The following CFAP96 variants were observed in gnomAD, a reference collection of about 807,000 sequenced individuals.
CFAP96 encodes the protein cilia and flagella associated protein 96.
chr4:185,424,856 TATGAAG>T, the CFAP96 span, among the ~76,000 whole-genome samples: 1 of 152,236 alleles, frequency 6.6e-6, no homozygotes, highest in African/African-American at 2.4e-5. Context: ...CCAGGGTTGT[TATGAAG>T]ATTCCACAAG....
At chr4:185,428,897 T>G in the CFAP96 span, among the ~76,000 whole-genome samples, 3 of 152,192 alleles carry the variant, frequency 2.0e-5, no homozygotes, top group African/African-American at 7.2e-5. Context: ...TGAAAAGCTG[T>G]TATATTTTCA....
At chr4:185,444,202 CT>C in the CFAP96 span, among the ~76,000 whole-genome samples, 2 of 151,758 alleles carry the variant, frequency 1.3e-5, no homozygotes, top group Non-Finnish European at 2.9e-5. Flanking sequence ...ATCCACCCGC[CT>C]CGGCCTCCCA....
At chr4:185,437,065 A>G in the CFAP96 span, among the ~76,000 whole-genome samples, 1 of 152,200 alleles carries the variant, frequency 6.6e-6, no homozygotes, top group Non-Finnish European at 1.5e-5. Flanking sequence ...AGGAATTGTA[A>G]TACTTTTGGG....
At chr4:185,445,176 T>G in the CFAP96 span, 11 of 1,460,990 alleles carry the variant, frequency 7.5e-6, no homozygotes, top group South Asian at 1.4e-4. Flanking sequence ...AAAAATTGTT[T>G]CCAACTTTTA....
the CFAP96 span, chr4:185,415,292 A>G: frequency 6.2e-7 from 1 of 1,601,906 alleles, no homozygotes; most frequent in Non-Finnish European, 8.5e-7. Context: ...TTCAAAATAC[A>G]TTTTTCCATG....
At chr4:185,442,128 A>G in the CFAP96 span, among the ~76,000 whole-genome samples, 1 of 152,078 alleles carries the variant, frequency 6.6e-6, no homozygotes, top group Non-Finnish European at 1.5e-5. Context: ...GTTCTATTAT[A>G]TTTAATAGTA....
the CFAP96 span, chr4:185,429,322 A>G: frequency 1.4e-5 from 9 of 628,468 alleles, no homozygotes; most frequent in South Asian, 3.0e-5. Flanking sequence ...TTTTATTTTC[A>G]ATGTAAAGTA....
At chr4:185,449,496 C>T in the CFAP96 span, 1 of 721,044 alleles carries the variant, frequency 1.4e-6, no homozygotes, top group South Asian at 2.0e-5. Flanking sequence ...GCACTCCAGC[C>T]TGGGCAACAG....
At chr4:185,424,583 C>T in the CFAP96 span, among the ~76,000 whole-genome samples, 4 of 152,144 alleles carry the variant, frequency 2.6e-5, 1 homozygote, top group Admixed American at 2.6e-4. Flanking sequence ...TCATGTTGTC[C>T]ATTTATTCTA....
chr4:185,416,006 G>T, the CFAP96 span: 1 of 623,528 alleles, frequency 1.6e-6, no homozygotes, highest in African/African-American at 1.9e-5. Flanking sequence ...TGAAAAGGGG[G>T]AAAGAGTAGA....
chr4:185,420,659 C>T, the CFAP96 span, among the ~76,000 whole-genome samples: 1 of 152,094 alleles, frequency 6.6e-6, no homozygotes, highest in South Asian at 2.1e-4. Flanking sequence ...AAAAGACAAA[C>T]ATAATTCTTA....
chr4:185,449,794 T>C, the CFAP96 span: 1 of 511,388 alleles, frequency 2.0e-6, no homozygotes, highest in Non-Finnish European at 3.5e-6. Context: ...CTTATTTTAA[T>C]ACTACTAGTT....
the CFAP96 span, chr4:185,415,786 C>A: frequency 6.2e-7 from 1 of 1,613,672 alleles, no homozygotes; most frequent in Non-Finnish European, 8.5e-7. Context: ...TGGTGTCCTC[C>A]GCTTTCCCTT....
At chr4:185,410,020 G>C in the CFAP96 span, among the ~76,000 whole-genome samples, 1 of 152,062 alleles carries the variant, frequency 6.6e-6, no homozygotes, top group African/African-American at 2.4e-5. Flanking sequence ...ATACATTTTT[G>C]TAGTTTTAAG....
chr4:185,415,013 T>C, the CFAP96 span: 1 of 662,512 alleles, frequency 1.5e-6, no homozygotes, highest in Non-Finnish European at 2.4e-6. Context: ...AGAAATTAAA[T>C]AATGTGTAAA....
At chr4:185,442,380 A>T in the CFAP96 span, among the ~76,000 whole-genome samples, 2 of 152,048 alleles carry the variant, frequency 1.3e-5, no homozygotes, top group Non-Finnish European at 2.9e-5. Flanking sequence ...TGCATAGGTT[A>T]TATTATATCT....
the CFAP96 span, among the ~76,000 whole-genome samples, chr4:185,431,209 C>CA: frequency 2.8e-3 from 248 of 88,518 alleles, 1 homozygote; most frequent in African/African-American, 9.1e-3. Flanking sequence ...GACTCCGTCT[C>CA]AAAAAAAAAA....
chr4:185,425,366 A>C, the CFAP96 span, among the ~76,000 whole-genome samples: 1 of 152,056 alleles, frequency 6.6e-6, no homozygotes, highest in Non-Finnish European at 1.5e-5. Context: ...GTGGGTCTGG[A>C]GCTCAGAAGA....
At chr4:185,426,484 T>C in the CFAP96 span, 1 of 152,782 alleles carries the variant, frequency 6.5e-6, no homozygotes, top group Non-Finnish European at 1.5e-5. Flanking sequence ...AACAGACTCC[T>C]CATCACCTCC....
Sources: allele counts gnomAD v4.1 joint callset (sites outside exome capture counted in the v4.1 genomes callset), GRCh38; gene constraint gnomAD v4.1.1; transcripts MANE v1.5; gene names NCBI Gene and HGNC (gene_info 2026-07-23, HGNC 2026-07-21).